The following VPS13B variants were observed in gnomAD, a reference collection of about 807,000 sequenced individuals.
VPS13B encodes intermembrane lipid transfer protein VPS13B.
A neutral mutation model predicts 426.4 loss-of-function variants in VPS13B; 285 were observed. That is an observed-to-expected ratio of 0.67 (90% CI 0.61 to 0.74). VPS13B has a LOEUF of 0.74. VPS13B is among the 30% of genes least tolerant of loss of function. VPS13B has a pLI of 0.00. For synonymous variants in VPS13B, 1,676 were observed against 1,676.4 expected (o/e 1.00, Z 0.01); for missense variants, 4,537 against 4,782.6 (o/e 0.95, Z 1.51).
At chr8:99,650,121 G>A (rs1033091517) in intron 34 of VPS13B, among the ~76,000 whole-genome samples, 7 of 152,124 alleles carry the variant, frequency 4.6e-5, no homozygotes, top group African/African-American at 1.2e-4. Context: ...TAGTCCATTA[G>A]CCAGGACTTG....
intron 39 of VPS13B, among the ~76,000 whole-genome samples, chr8:99,728,368 A>G (rs1328718482): frequency 3.3e-5 from 5 of 152,096 alleles, no homozygotes; most frequent in Non-Finnish European, 7.4e-5. Flanking sequence ...TATTCTCACT[A>G]CCTTAAGAGT....
At chr8:99,580,892 A>G (rs899310040) in intron 33 of VPS13B, among the ~76,000 whole-genome samples, 8 of 151,452 alleles carry the variant, frequency 5.3e-5, no homozygotes, top group African/African-American at 1.9e-4. Flanking sequence ...TTCAAGAATA[A>G]TATCACTTGG....
chr8:99,849,537 T>C (rs1046429976), intron 55 of VPS13B, among the ~76,000 whole-genome samples: 1 of 152,312 alleles, frequency 6.6e-6, no homozygotes, highest in African/African-American at 2.4e-5. Context: ...AAAGTATAAA[T>C]TGGTACTATT....
At chr8:99,332,251 T>A (rs1189044939) in intron 19 of VPS13B, among the ~76,000 whole-genome samples, 3 of 151,784 alleles carry the variant, frequency 2.0e-5, no homozygotes, top group East Asian at 3.9e-4. Context: ...AGTATTTGTC[T>A]TGTGGTTCAT....
rs187477721 is a variant in VPS13B at position 99,136,598 on chromosome 8, A to G, written c.1564-67A>G. The G allele has an allele frequency of 9.6e-5, 145 of 1,505,098 alleles. 3 individuals are homozygous for G. The East Asian group carries it at 1.8e-3, about 19-fold the overall frequency. The allele number at this position is 1,505,098 out of a possible 1,614,324, so 93.2% of individuals were successfully genotyped here. On this transcript the variant is annotated intron_variant, in intron 11 of 61. Transcript: ENST00000357162. Reference sequence around the variant, plus strand: ...CTATATAAAGATATGTGTCTAACCTATCAAGCTTTAAACTCAAAAGTTTCT... The same window carrying G: ...CTATATAAAGATATGTGTCTAACCTGTCAAGCTTTAAACTCAAAAGTTTCT...
intron 49 of VPS13B, among the ~76,000 whole-genome samples, 168 bp downstream of exon 49, chr8:99,820,290 G>A (rs1814286399): frequency 6.6e-6 from 1 of 151,810 alleles, no homozygotes; most frequent in South Asian, 2.1e-4. Flanking sequence ...CTTTTCTGAT[G>A]TCTTTTTTTT....
intron 19 of VPS13B, among the ~76,000 whole-genome samples, chr8:99,293,749 C>T (rs1819874451): frequency 6.6e-6 from 1 of 152,282 alleles, no homozygotes; most frequent in East Asian, 1.9e-4. Flanking sequence ...AGACACTTCT[C>T]AAAAGAAGAC....
intron 17 of VPS13B, among the ~76,000 whole-genome samples, chr8:99,224,611 A>C (rs1169343153): frequency 6.6e-6 from 1 of 152,144 alleles, no homozygotes; most frequent in Non-Finnish European, 1.5e-5. Context: ...CTTTTTACTC[A>C]CTTTTAAATT....
intron 17 of VPS13B, among the ~76,000 whole-genome samples, chr8:99,218,312 A>C (rs1210194456): frequency 1.3e-5 from 2 of 152,186 alleles, no homozygotes; most frequent in Non-Finnish European, 2.9e-5. Flanking sequence ...CCCTTTATAG[A>C]AGAAGTTTGC....
At position 99,115,851 on chromosome 8, in the gene VPS13B, A is replaced by C; in HGVS notation, c.914A>C (p.Lys305Thr). ...GEIEDLTCHN[K>T]DMLGNITGSE... Reference sequence around the variant, plus strand: ...ATAGAGGACCTTACTTGTCATAATAAAGATATGCTAGGAAACATTACAGGT... The same window carrying C: ...ATAGAGGACCTTACTTGTCATAATACAGATATGCTAGGAAACATTACAGGT... The change falls in exon 7 of 62, where the codon AAA (lysine) becomes ACA (threonine). Residue 305 changes from lysine (K) to threonine (T), a missense_variant. This residue lies in a region of VPS13B where 4,311 missense variants were observed against 4,474.3 expected (regional missense o/e 0.96). Transcript: ENST00000357162. 1.2e-6 allele frequency: 2 copies of C among 1,613,414 alleles called. No homozygotes were observed. The highest frequency in any genetic ancestry group is 1.7e-6 in the Non-Finnish European group (2 of 1,179,748).
At chr8:99,048,608 A>C (rs1487363345) in intron 3 of VPS13B, among the ~76,000 whole-genome samples, 1 of 152,082 alleles carries the variant, frequency 6.6e-6, no homozygotes, top group Non-Finnish European at 1.5e-5. Flanking sequence ...AGTGGTCGGG[A>C]GTTTGAGACC....
In VPS13B at chr8:99,766,979, T is replaced by C. The variant is rs545008110; in HGVS notation, c.7247+9T>C. 3.2e-5 allele frequency: 51 copies of C among 1,612,826 alleles called. 1 individual carries two copies. In the South Asian group the frequency reaches 3.7e-4, roughly 12 times the overall value. ...GGAGCTGATGACCAAAGGTAATTCA[T>C]TGAAAGATGATATGGTAGCATTACA... On this transcript the variant is annotated intron_variant, in intron 40 of 61. Coordinates refer to ENST00000357162, the MANE Select transcript of VPS13B (RefSeq NM_152564.5).
In VPS13B at chr8:99,438,869, A is replaced by C. The variant is rs78413536; in HGVS notation, c.3211-3532A>C. ...AGCAACAGCATTTGAAAATAAATGC[A>C]CTGTGAACAGGTTTTATAAATCTAT... On this transcript the variant is annotated intron_variant, in intron 22 of 61. Coordinates refer to ENST00000357162, the MANE Select transcript of VPS13B (RefSeq NM_152564.5). Among the ~76,000 whole-genome samples, 589 of 152,310 alleles carry C rather than the reference A, an allele frequency of 3.9e-3. 3 individuals carry two copies. The highest frequency in any genetic ancestry group is 4.8e-3 in the Non-Finnish European group (326 of 68,010).
intron 19 of VPS13B, chr8:99,341,830 T>A (rs1811268440): frequency 8.5e-6 from 2 of 235,146 alleles, no homozygotes; most frequent in Middle Eastern, 1.9e-3. Flanking sequence ...GAAAGAAGAT[T>A]TAACGCAAAA....
rs915183147 is a variant in VPS13B, at chr8:99,546,256, G to GT, written c.4746-10184dup. ...GATTTGTTATATACCACATCTAAAG[G>GT]TTTTTTTTTTCCTCCTCAAATTTCC... On this transcript the variant is annotated intron_variant, in intron 30 of 61. Coordinates refer to ENST00000357162, the MANE Select transcript of VPS13B (RefSeq NM_152564.5). Among the ~76,000 whole-genome samples, 53 of 148,120 alleles carry GT rather than the reference G, an allele frequency of 3.6e-4. 1 individual carries two copies. The highest frequency in any genetic ancestry group is 1.6e-3 in the Admixed American group (23 of 14,778).
chr8:99,168,107 T>C (rs1812115673), intron 15 of VPS13B, among the ~76,000 whole-genome samples: 1 of 152,126 alleles, frequency 6.6e-6, no homozygotes, highest in Non-Finnish European at 1.5e-5. Context: ...ATTTGGTGGA[T>C]AATAGAGGAA....
intron 3 of VPS13B, among the ~76,000 whole-genome samples, chr8:99,047,328 A>T (rs140963348): frequency 2.0e-4 from 30 of 152,304 alleles, no homozygotes. Flanking sequence ...AGGTGTTCAC[A>T]GTAGCTTTCA....
intron 19 of VPS13B, among the ~76,000 whole-genome samples, chr8:99,295,475 A>G (rs1819982479): frequency 6.6e-6 from 1 of 152,204 alleles, no homozygotes; most frequent in Non-Finnish European, 1.5e-5. Context: ...ACAGCTTGAT[A>G]AATGCTTTGT....
At chr8:99,283,461 T>C (rs953320916) in intron 19 of VPS13B, among the ~76,000 whole-genome samples, 1 of 152,202 alleles carries the variant, frequency 6.6e-6, no homozygotes, top group Admixed American at 6.5e-5. Context: ...TTCATGCTCC[T>C]AGCATTTTTG....
Sources: gnomAD v4.1 joint callset for allele counts (sites outside exome capture counted in the v4.1 genomes callset) on GRCh38, gnomAD v4.1.1 for gene constraint, gnomAD v4.1.1 regional missense constraint, MANE v1.5 for transcripts, NCBI Gene and HGNC (gene_info 2026-07-23, HGNC 2026-07-21) for gene names.